Variants in CADM2 observed in about 807,000 individuals in gnomAD.
The protein encoded by CADM2 is immunoglobulin superfamily member 4D.
In CADM2, 12 loss-of-function variants were observed where a neutral mutation model predicts 49.8. The observed-to-expected ratio is 0.24, with a 90% confidence interval of 0.15 to 0.39. The LOEUF is 0.39. Ranked by LOEUF, CADM2 falls within the 10% of genes least tolerant of loss-of-function variation. CADM2 has a pLI of 1.00. For missense variants in CADM2, 378 were observed against 492.3 expected, an observed-to-expected ratio of 0.77 and a Z score of 2.20; for synonymous variants, 214 against 175.4, an observed-to-expected ratio of 1.22 and a Z score of -1.74.
rs571396893 is a variant in CADM2 at position 85,258,425 on chromosome 3, G to C, written c.61+298757G>C. On this transcript the variant is annotated intron_variant, in intron 1 of 9. Transcript: ENST00000383699. ...TGCTACTGACTGGCTGCCAAAAAGA[G>C]TCCAGTTCACACCTTTCCTTTTCCA... Among the ~76,000 whole-genome samples the C allele has an allele frequency of 4.6e-5, 7 of 151,898 alleles. No homozygotes were observed. In the South Asian group the frequency reaches 1.5e-3, roughly 32 times the overall value.
rs142572437 is a variant in CADM2, at chr3:85,987,879, C to T, written c.970+26232C>T. Among the ~76,000 whole-genome samples, 89 of 151,982 alleles carry T rather than the reference C, an allele frequency of 5.9e-4. 1 individual carries two copies. The highest frequency in any genetic ancestry group is 1.9e-3 in the African/African-American group (77 of 41,508). Reference sequence around the variant, plus strand: ...AATTTAAAAAAAAATCATTAATAAACTGGCTGTATCTTTCTTACTAACCAG... The same window carrying T: ...AATTTAAAAAAAAATCATTAATAAATTGGCTGTATCTTTCTTACTAACCAG... On this transcript the variant is annotated intron_variant, in intron 8 of 9. Coordinates refer to ENST00000383699, the MANE Select transcript of CADM2 (RefSeq NM_001167675.2).
intron 8 of CADM2, among the ~76,000 whole-genome samples, chr3:86,001,791 G>T (rs1037528274): frequency 1.8e-4 from 28 of 152,086 alleles, no homozygotes; most frequent in African/African-American, 6.8e-4. Flanking sequence ...GTTTTTAAAT[G>T]ATCAAATCAT....
At chr3:85,403,938 A>G (rs2035246862) in intron 1 of CADM2, among the ~76,000 whole-genome samples, 1 of 152,088 alleles carries the variant, frequency 6.6e-6, no homozygotes. Context: ...ATATATTGTG[A>G]ACAAGCTGAT....
chr3:85,325,454 A>G (rs1204338350), intron 1 of CADM2, among the ~76,000 whole-genome samples: 1 of 152,136 alleles, frequency 6.6e-6, no homozygotes, highest in Non-Finnish European at 1.5e-5. Context: ...GCTCACGCCT[A>G]TAATCCCAGC....
At chr3:85,256,647 T>C (rs1423648116) in intron 1 of CADM2, among the ~76,000 whole-genome samples, 1 of 152,148 alleles carries the variant, frequency 6.6e-6, no homozygotes, top group East Asian at 1.9e-4. Flanking sequence ...ACAAGTTCTT[T>C]TAATACTTAC....
At chr3:85,318,230 A>C (rs1392205953) in intron 1 of CADM2, among the ~76,000 whole-genome samples, 1 of 151,890 alleles carries the variant, frequency 6.6e-6, no homozygotes, top group Non-Finnish European at 1.5e-5. Context: ...TGCAGCATTA[A>C]AAAATAAATG....
At chr3:85,827,298 TATAGTAGGTGGC>T (rs2073962677) in intron 3 of CADM2, among the ~76,000 whole-genome samples, 1 of 152,010 alleles carries the variant, frequency 6.6e-6, no homozygotes, top group Admixed American at 6.6e-5. Flanking sequence ...TTTCAAATGT[TATAGTAGGTGGC>T]AACTCAGTAG....
intron 1 of CADM2, among the ~76,000 whole-genome samples, chr3:85,161,996 C>T (rs546789711): frequency 6.6e-6 from 1 of 151,856 alleles, no homozygotes; most frequent in Non-Finnish European, 1.5e-5. Context: ...GCAACAAGAG[C>T]AAGACTCCAT....
At chr3:85,280,441 G>A (rs1444394337) in intron 1 of CADM2, among the ~76,000 whole-genome samples, 1 of 151,156 alleles carries the variant, frequency 6.6e-6, no homozygotes, top group Non-Finnish European at 1.5e-5. Flanking sequence ...AGATTCTCCT[G>A]TACATTCAAG....
At chr3:85,850,267 G>A (rs2075045089) in intron 3 of CADM2, among the ~76,000 whole-genome samples, 1 of 146,398 alleles carries the variant, frequency 6.8e-6, no homozygotes, top group South Asian at 2.2e-4. Context: ...AGGCAAACTT[G>A]ATCAGTGTGG....
chr3:86,066,618 T>C (rs778054917), intron 9 of CADM2, 47 bp from the exon 10 acceptor site: 2 of 1,379,118 alleles, frequency 1.5e-6, no homozygotes, highest in South Asian at 1.2e-5. Flanking sequence ...TGCTGGGTAT[T>C]TTACCAGTCT....
At chr3:86,058,514 T>C (rs532047514) in intron 8 of CADM2, among the ~76,000 whole-genome samples, 1 of 152,172 alleles carries the variant, frequency 6.6e-6, no homozygotes, top group East Asian at 1.9e-4. Context: ...CAGTAAATGG[T>C]TTAAGGCTTG....
intron 5 of CADM2, among the ~76,000 whole-genome samples, chr3:85,890,929 A>G (rs1714347527): frequency 6.6e-6 from 1 of 152,196 alleles, no homozygotes; most frequent in African/African-American, 2.4e-5. Context: ...AGGCATGAGA[A>G]GTAAACAGAG....
chr3:86,030,173 T>C (rs1734390731), intron 8 of CADM2, among the ~76,000 whole-genome samples: 1 of 151,960 alleles, frequency 6.6e-6, no homozygotes, highest in Admixed American at 6.6e-5. Context: ...TAATGGGAGA[T>C]AAAAGCAAAA....
intron 1 of CADM2, among the ~76,000 whole-genome samples, chr3:85,639,845 TA>T (rs1004061332): frequency 2.0e-5 from 3 of 151,744 alleles, no homozygotes; most frequent in East Asian, 1.9e-4. Context: ...ATGAAATAAA[TA>T]AAAAAAATGA....
chr3:85,155,525 G>A (rs1046404815), intron 1 of CADM2, among the ~76,000 whole-genome samples: 2 of 152,002 alleles, frequency 1.3e-5, no homozygotes, highest in Non-Finnish European at 1.5e-5. Flanking sequence ...ACATTAGACA[G>A]ATCAACGAGA....
At chr3:86,066,360 A>AAAAAAAAAAAAAAAC (rs1739336685) in intron 9 of CADM2, among the ~76,000 whole-genome samples, 2 of 137,886 alleles carry the variant, frequency 1.5e-5, no homozygotes, top group Non-Finnish European at 3.2e-5. Flanking sequence ...AAAAAAAAAG[A>AAAAAAAAAAAAAAAC]TCTTAACAAA....
At chr3:85,814,748 T>G (rs1023862929) in intron 3 of CADM2, among the ~76,000 whole-genome samples, 2 of 151,966 alleles carry the variant, frequency 1.3e-5, no homozygotes, top group Admixed American at 1.3e-4. Context: ...AAATGGTAGT[T>G]CTATAGAATT....
At chr3:85,482,452 C>T (rs1294106433) in intron 1 of CADM2, among the ~76,000 whole-genome samples, 1 of 151,616 alleles carries the variant, frequency 6.6e-6, no homozygotes. Flanking sequence ...TTTAAAGGCC[C>T]TGAGTTACCG....
Sources: allele counts gnomAD v4.1 joint callset (sites outside exome capture counted in the v4.1 genomes callset), GRCh38; gene constraint gnomAD v4.1.1; transcripts MANE v1.5; gene names NCBI Gene and HGNC (gene_info 2026-07-23, HGNC 2026-07-21).